The following TTC17 variants were observed in gnomAD, a reference collection of about 807,000 sequenced individuals.
TTC17 encodes tetratricopeptide repeat protein 17.
Under a neutral mutation model 143.8 loss-of-function variants are expected in TTC17, and 58 were observed. The ratio of observed to expected loss-of-function variants is 0.40; its 90% CI spans 0.33 to 0.50. TTC17 has a LOEUF of 0.50. Ranked by LOEUF, TTC17 falls within the 20% of genes least tolerant of loss-of-function variation. TTC17 has a pLI of 0.49. For missense variants in TTC17, 1,273 were observed against 1,392.5 expected (o/e 0.91, Z 1.37); for synonymous variants, 501 against 497.8 (o/e 1.01, Z -0.09).
intron 21 of TTC17, among the ~76,000 whole-genome samples, chr11:43,479,858 G>A (rs1948253745): frequency 6.6e-6 from 1 of 152,198 alleles, no homozygotes; most frequent in Admixed American, 6.5e-5. Context: ...AAACTGAGGA[G>A]CTGGAGCTCT....
intron 16 of TTC17, among the ~76,000 whole-genome samples, chr11:43,418,342 G>A (rs1157868745): frequency 6.6e-6 from 1 of 152,126 alleles, no homozygotes; most frequent in Non-Finnish European, 1.5e-5. Flanking sequence ...CCATTTCAAG[G>A]ATGCTGTGAA....
intron 15 of TTC17, among the ~76,000 whole-genome samples, chr11:43,412,732 A>T (rs1049589134): frequency 3.9e-5 from 6 of 152,168 alleles, no homozygotes; most frequent in Admixed American, 2.0e-4. Flanking sequence ...AAATATTCAA[A>T]GATGTTAAAA....
intron 21 of TTC17, among the ~76,000 whole-genome samples, chr11:43,488,884 A>G (rs1948424125): frequency 6.6e-6 from 1 of 152,090 alleles, no homozygotes; most frequent in Admixed American, 6.6e-5. Context: ...TATTTTTTGT[A>G]GAGACAGGAT....
chr11:43,461,875 C>T (rs1439025898), intron 21 of TTC17, among the ~76,000 whole-genome samples: 2 of 152,034 alleles, frequency 1.3e-5, no homozygotes, highest in Non-Finnish European at 2.9e-5. Context: ...ATGTTTTAAA[C>T]TCTAGGCTAA....
At chr11:43,409,847 CTTTTTTTTTTTT>C (rs1858324792) in intron 15 of TTC17, among the ~76,000 whole-genome samples, 1 of 143,948 alleles carries the variant, frequency 6.9e-6, no homozygotes, top group East Asian at 2.0e-4. Flanking sequence ...TTTTTCTTTT[CTTTTTTTTTTTT>C]GAGACAAAAT....
At chr11:43,430,543 A>C (rs189121014) in intron 16 of TTC17, among the ~76,000 whole-genome samples, 5 of 152,164 alleles carry the variant, frequency 3.3e-5, no homozygotes, top group Admixed American at 1.3e-4. Context: ...GTCTATTAAA[A>C]TGTCCTTTAG....
intron 11 of TTC17, among the ~76,000 whole-genome samples, chr11:43,404,803 C>T (rs558431258): frequency 4.7e-4 from 72 of 152,164 alleles, no homozygotes; most frequent in African/African-American, 1.5e-3. Context: ...GTTTAGTAAG[C>T]CTCTGGTACA....
Position 43,490,263 on chromosome 11 carries a change from A to T in TTC17, c.3055A>T (p.Ser1019Cys). 6.2e-7 allele frequency: 1 copy of T among 1,612,654 alleles called. No homozygotes were observed. The highest frequency in any genetic ancestry group is 8.5e-7 in the Non-Finnish European group (1 of 1,179,076). Residue 1019 changes from serine (S) to cysteine (C), a missense_variant, in exon 22 of 24, where the codon AGC becomes TGC. Ser to Cys is a moderately radical substitution (Grantham distance 112). This residue lies in a region of TTC17 where 878 missense variants were observed against 899.8 expected (regional missense o/e 0.98). Transcript: ENST00000039989. The stretch of plus-strand genomic sequence containing the variant: ...GAACCAGACGTCCTGGGTCCTCTCC[A>T]GCATGGCAGCCCTCTACTGGAGGGT... ...EKNQTSWVLS[S>C]MAALYWRVKG...
intron 9 of TTC17, 84 bp from the exon 10 acceptor site, chr11:43,401,362 G>A: frequency 4.6e-6 from 4 of 870,338 alleles, no homozygotes. Context: ...ATACAGGGTT[G>A]ATACTAAATG....
intron 21 of TTC17, among the ~76,000 whole-genome samples, chr11:43,458,988 G>A (rs527473080): frequency 1.9e-4 from 29 of 152,086 alleles, no homozygotes; most frequent in African/African-American, 6.0e-4. Flanking sequence ...TATAAGGTTC[G>A]GTACTATCCA....
chr11:43,443,605 CT>C, intron 17 of TTC17, 21 bp downstream of exon 17: 1 of 1,594,306 alleles, frequency 6.3e-7, no homozygotes, highest in Non-Finnish European at 8.6e-7. Context: ...CAACTTAATT[CT>C]CACAAAATTG....
intron 1 of TTC17, chr11:43,369,988 C>A (rs1237040494): frequency 4.0e-5 from 17 of 430,102 alleles, no homozygotes; most frequent in Non-Finnish European, 7.8e-5. Context: ...ATTTCCAAAT[C>A]TTGGCAGTTC....
chr11:43,405,440 A>AT, intron 11 of TTC17, 74 bp from the exon 12 acceptor site: 4 of 1,098,932 alleles, frequency 3.6e-6, no homozygotes, highest in Non-Finnish European at 5.5e-6. Flanking sequence ...GTAGTATATC[A>AT]TTTTAAAAGT....
At chr11:43,382,266 G>T (rs1003120721) in intron 2 of TTC17, among the ~76,000 whole-genome samples, 1 of 152,118 alleles carries the variant, frequency 6.6e-6, no homozygotes, top group Non-Finnish European at 1.5e-5. Context: ...CACTTCAGCT[G>T]AAAGAAACAT....
chr11:43,359,046 T>C lies in TTC17; in HGVS notation c.92T>C (p.Val31Ala). 1 of 1,591,796 alleles carries C rather than the reference T, an allele frequency of 6.3e-7. No individual in the cohort carries two copies. The highest frequency in any genetic ancestry group is 8.5e-7 in the Non-Finnish European group (1 of 1,170,530). The change falls in exon 1 of 24, where the codon GTG becomes GCG. Residue 31 changes from valine (V) to alanine (A), a missense_variant. Val to Ala is a moderately conservative substitution (Grantham distance 64). This residue lies in a region of TTC17 where 70 missense variants were observed against 48.5 expected (regional missense o/e 1.44). Transcript: ENST00000039989. ...WLLSLSALLS[V>A]AARGAFATTH... ...CTCAGCCTTTCCGCCTTGCTGAGTGTGGCGGCACGAGGGGCCTTCGCCACC... is the reference window on the plus strand; with the variant it reads ...CTCAGCCTTTCCGCCTTGCTGAGTGCGGCGGCACGAGGGGCCTTCGCCACC...
At chr11:43,396,842 C>A in intron 6 of TTC17, 24 bp downstream of exon 6, 1 of 1,474,582 alleles carries the variant, frequency 6.8e-7, no homozygotes, top group Non-Finnish European at 9.4e-7. Flanking sequence ...TCTTCTGGAC[C>A]TGATTTTCCA....
chr11:43,382,672 A>T (rs1031109584), intron 2 of TTC17, among the ~76,000 whole-genome samples: 4 of 152,294 alleles, frequency 2.6e-5, no homozygotes, highest in Admixed American at 6.5e-5. Flanking sequence ...TATATTTAAA[A>T]GATTATTCTG....
Position 43,407,392 on chromosome 11 carries a change from C to T in TTC17, c.1879C>T (p.Leu627=), listed in dbSNP as rs779009223. 1.4e-5 allele frequency: 22 copies of T among 1,613,908 alleles called. No individual in the cohort carries two copies. Among genetic ancestry groups the T allele is most frequent in the Non-Finnish European group, 1.5e-5 (18 of 1,179,962 alleles). The change falls in exon 15 of 24, where the codon CTA becomes TTA. Residue 627 remains leucine (L), a synonymous_variant. Transcript: ENST00000039989. The part of the protein sequence containing the change: ...PIWLILNEAG[L]YWRAVGNSTF... The stretch of plus-strand genomic sequence containing the variant: ...CTGGCTCATACTCAATGAAGCTGGA[C>T]TATACTGGAGAGCAGTAGGAAATAG...
At chr11:43,379,073 A>G (rs988437280) in intron 1 of TTC17, 160 bp from the exon 2 acceptor site, 7 of 692,002 alleles carry the variant, frequency 1.0e-5, no homozygotes, top group Non-Finnish European at 1.7e-5. Context: ...CTTTGCTAAC[A>G]TTTACATGTG....
Sources: gnomAD v4.1 joint callset for allele counts (sites outside exome capture counted in the v4.1 genomes callset) on GRCh38, gnomAD v4.1.1 for gene constraint, gnomAD v4.1.1 regional missense constraint, MANE v1.5 for transcripts, NCBI Gene and HGNC (gene_info 2026-07-23, HGNC 2026-07-21) for gene names.